LRP1B: variants seen among roughly 807,000 people sequenced by gnomAD.
LRP1B encodes low-density lipoprotein receptor-related protein 1B.
LRP1B carries 217 observed loss-of-function variants against 556.6 expected under a neutral mutation model. The ratio of observed to expected loss-of-function variants is 0.39; its 90% confidence interval spans 0.35 to 0.44. LRP1B has a LOEUF of 0.44. Among genes scored for constraint, LRP1B ranks in the 20% least tolerant of loss-of-function variants. The pLI, the probability that LRP1B is intolerant of heterozygous loss-of-function variation, is 1.00. For synonymous variants in LRP1B, 2,047 were observed against 1,865.8 expected (o/e 1.10, Z -2.50); for missense variants, 5,053 against 5,620.8 (o/e 0.90, Z 3.23).
chr2:140,885,001 C>T (rs1249720277), intron 24 of LRP1B, among the ~76,000 whole-genome samples: 2 of 152,182 alleles, frequency 1.3e-5, no homozygotes, highest in Non-Finnish European at 2.9e-5. Context: ...GCATGAGCCA[C>T]TGTGCTGGCC....
At chr2:140,948,644 A>G (rs1173978018) in intron 20 of LRP1B, among the ~76,000 whole-genome samples, 1 of 152,212 alleles carries the variant, frequency 6.6e-6, no homozygotes, top group Non-Finnish European at 1.5e-5. Flanking sequence ...GTCACAAATA[A>G]TTTCTTCGTT....
chr2:140,980,043 C>T (rs947857387), intron 18 of LRP1B, among the ~76,000 whole-genome samples: 4 of 151,538 alleles, frequency 2.6e-5, no homozygotes, highest in Non-Finnish European at 5.9e-5. Context: ...TATTTTCCTC[C>T]TTTGATTCAA....
chr2:141,439,631 A>G (rs1680886163), intron 3 of LRP1B, among the ~76,000 whole-genome samples: 1 of 152,122 alleles, frequency 6.6e-6, no homozygotes, highest in Non-Finnish European at 1.5e-5. Flanking sequence ...TTCAACACAG[A>G]TCACAATGTA....
rs1256056936 is a variant in LRP1B, at chr2:141,103,708, G to T, written c.1014-41435C>A. On this transcript the variant is annotated intron_variant, in intron 7 of 90. Transcript: ENST00000389484. ...AAAAAAAAAGAAAATTAAGGCTGAA[G>T]TTTTTTTTTTTTAGAAGAAACCCCC... 1.2e-4 allele frequency among the ~76,000 whole-genome samples: 17 copies of T among 145,108 alleles called. No homozygotes were observed. In the South Asian group the frequency reaches 3.4e-3, roughly 29 times the overall value.
chr2:141,877,388 T>C (rs1698804689), intron 1 of LRP1B, among the ~76,000 whole-genome samples: 1 of 151,946 alleles, frequency 6.6e-6, no homozygotes, highest in African/African-American at 2.4e-5. Flanking sequence ...ATAGGACCAT[T>C]TGATGAGTTT....
At chr2:141,319,560 T>C (rs113575906) in intron 3 of LRP1B, among the ~76,000 whole-genome samples, 6,640 of 152,106 alleles carry the variant, frequency 0.044, 186 homozygotes, top group African/African-American at 0.079. Context: ...TGGAGGCTGC[T>C]TAGTAAGCAA....
At chr2:140,519,130 C>A (rs538679341) in intron 49 of LRP1B, among the ~76,000 whole-genome samples, 2 of 152,194 alleles carry the variant, frequency 1.3e-5, no homozygotes, top group African/African-American at 4.8e-5. Flanking sequence ...CATATGGAAC[C>A]AAAATAGAGC....
chr2:140,308,537 A>C (rs895768682), intron 83 of LRP1B, among the ~76,000 whole-genome samples: 7 of 151,806 alleles, frequency 4.6e-5, no homozygotes, highest in African/African-American at 1.7e-4. Flanking sequence ...TATGTGAACC[A>C]TGACGCTTAC....
In LRP1B at chr2:140,829,106, A is replaced by C. The variant is rs530515148; in HGVS notation, c.5209+10885T>G. Among the ~76,000 whole-genome samples, 3 of 152,298 alleles carry C rather than the reference A, an allele frequency of 2.0e-5. No homozygotes were observed. The South Asian group carries it at 6.2e-4, about 32-fold the overall frequency. On this transcript the variant is annotated intron_variant, in intron 31 of 90. Transcript: ENST00000389484. ...ACAATTGTAAATATATATGCATCCA[A>C]CACCAAGGCACCGAAATATATAAAG...
At chr2:141,994,866 G>A (rs919029074) in intron 1 of LRP1B, among the ~76,000 whole-genome samples, 3 of 152,064 alleles carry the variant, frequency 2.0e-5, no homozygotes, top group African/African-American at 4.8e-5. Flanking sequence ...TAAAGATTGA[G>A]ATTATGCTTT....
At chr2:140,908,378 A>ATG (rs1694320257) in intron 21 of LRP1B, among the ~76,000 whole-genome samples, 1 of 146,528 alleles carries the variant, frequency 6.8e-6, no homozygotes, top group African/African-American at 2.5e-5. Flanking sequence ...ATATATATAT[A>ATG]TATATATATA....
chr2:141,778,710 C>T (rs1211335137), intron 2 of LRP1B, among the ~76,000 whole-genome samples: 2 of 152,138 alleles, frequency 1.3e-5, no homozygotes, highest in Non-Finnish European at 2.9e-5. Context: ...CATTATTTTG[C>T]CTCCTACACA....
intron 1 of LRP1B, among the ~76,000 whole-genome samples, chr2:142,073,845 C>T (rs903862190): frequency 2.0e-5 from 3 of 151,882 alleles, no homozygotes; most frequent in Non-Finnish European, 4.4e-5. Flanking sequence ...CTTCCTCCTG[C>T]TCCAGCCACG....
intron 14 of LRP1B, among the ~76,000 whole-genome samples, chr2:141,010,653 TAC>T (rs1276220327): frequency 6.6e-6 from 1 of 152,038 alleles, no homozygotes; most frequent in East Asian, 1.9e-4. Context: ...TAGCTAGGAT[TAC>T]AGTCTCCTGC....
intron 2 of LRP1B, among the ~76,000 whole-genome samples, chr2:141,713,480 A>G (rs1231622601): frequency 6.6e-6 from 1 of 152,206 alleles, no homozygotes; most frequent in African/African-American, 2.4e-5. Flanking sequence ...ATGCACAGGC[A>G]ATGAATATAA....
At chr2:140,628,519 A>G (rs1683757878) in intron 41 of LRP1B, among the ~76,000 whole-genome samples, 1 of 145,410 alleles carries the variant, frequency 6.9e-6, no homozygotes, top group Non-Finnish European at 1.5e-5. Context: ...CCTGGGCGAA[A>G]GAATGAGACT....
At chr2:141,626,560 G>T (rs1558763649) in intron 2 of LRP1B, among the ~76,000 whole-genome samples, 1 of 152,138 alleles carries the variant, frequency 6.6e-6, no homozygotes, top group Non-Finnish European at 1.5e-5. Context: ...AGACATATCT[G>T]CTAAAGGACT....
intron 86 of LRP1B, among the ~76,000 whole-genome samples, chr2:140,267,293 T>G (rs992601072): frequency 6.6e-6 from 1 of 152,006 alleles, no homozygotes; most frequent in African/African-American, 2.4e-5. Flanking sequence ...GCTTCTTATA[T>G]GGTTTAACTG....
rs374737393 is a variant in LRP1B at position 142,038,986 on chromosome 2, C to T, written c.82+91662G>A. 2.6e-5 allele frequency among the ~76,000 whole-genome samples: 4 copies of T among 151,458 alleles called. No homozygotes were observed. The East Asian group carries it at 7.8e-4, about 29-fold the overall frequency. The stretch of plus-strand genomic sequence containing the variant: ...TTTCCTTGAGCTCATGTTCTTCTTG[C>T]TCATGTTTTCCTTGCTCAAGTTTTA... On this transcript the variant is annotated intron_variant, in intron 1 of 90. Coordinates refer to ENST00000389484, the MANE Select transcript of LRP1B (RefSeq NM_018557.3).
Sources: allele counts gnomAD v4.1 joint callset (sites outside exome capture counted in the v4.1 genomes callset), GRCh38; gene constraint gnomAD v4.1.1; transcripts MANE v1.5; gene names NCBI Gene and HGNC (gene_info 2026-07-23, HGNC 2026-07-21).